Variants in LHFPL3 observed in about 807,000 individuals in gnomAD.
The protein encoded by LHFPL3 is LHFPL tetraspan subfamily member 3 protein.
A neutral mutation model predicts 19.3 loss-of-function variants in LHFPL3; 5 were observed. That is an observed-to-expected ratio of 0.26 (90% CI 0.14 to 0.54). The LOEUF (loss-of-function observed/expected upper bound fraction) is 0.54, where lower values mean the gene tolerates loss of function less well. Among genes scored for constraint, LHFPL3 ranks in the 20% least tolerant of loss-of-function variants. The probability of loss-of-function intolerance (pLI) is 0.94; values close to 1 mark genes in which losing one functional copy is unlikely to be tolerated. For missense variants in LHFPL3, 249 were observed against 307.4 expected, an observed-to-expected ratio of 0.81 and a Z score of 1.42; for synonymous variants, 133 against 126.2, an observed-to-expected ratio of 1.05 and a Z score of -0.36.
At chr7:104,769,845 T>C (rs889673115) in intron 2 of LHFPL3, among the ~76,000 whole-genome samples, 1 of 81,556 alleles carries the variant, frequency 1.2e-5, no homozygotes, top group Non-Finnish European at 2.4e-5. Context: ...TGGAATACTA[T>C]GCAGCCATAA....
chr7:104,523,179 T>A (rs7804269), intron 1 of LHFPL3, among the ~76,000 whole-genome samples: 83,736 of 151,768 alleles, frequency 0.55, 23,268 homozygotes, highest in Middle Eastern at 0.64. Flanking sequence ...GTTAATAGCA[T>A]CTTTCTGAGT....
intron 2 of LHFPL3, among the ~76,000 whole-genome samples, chr7:104,820,166 T>C (rs905142807): frequency 2.0e-5 from 3 of 151,914 alleles, no homozygotes; most frequent in African/African-American, 7.3e-5. Context: ...TCACAGACCA[T>C]GCAAAAAAAA....
At chr7:104,440,307 G>A (rs933695937) in intron 1 of LHFPL3, among the ~76,000 whole-genome samples, 3 of 151,554 alleles carry the variant, frequency 2.0e-5, no homozygotes, top group African/African-American at 2.4e-5. Context: ...GCAAACTATC[G>A]CCAAGAACAA....
chr7:104,729,937 T>G (rs576269731), intron 1 of LHFPL3, among the ~76,000 whole-genome samples: 18 of 146,824 alleles, frequency 1.2e-4, no homozygotes, highest in Admixed American at 9.5e-4. Context: ...GATGTTCCCC[T>G]TCCTGTGTCC....
At chr7:104,465,751 T>A (rs904552215) in intron 1 of LHFPL3, among the ~76,000 whole-genome samples, 1 of 152,154 alleles carries the variant, frequency 6.6e-6, no homozygotes, top group African/African-American at 2.4e-5. Context: ...CATGTGGGGA[T>A]TATAGGAACT....
intron 2 of LHFPL3, among the ~76,000 whole-genome samples, chr7:104,808,890 CTTTTTTTTTTTTT>C (rs151212974): frequency 1.3e-5 from 1 of 77,214 alleles, no homozygotes. Flanking sequence ...ATGATAGATC[CTTTTTTTTTTTTT>C]TTTTTTTTTT....
chr7:104,594,669 T>C (rs1790802956), intron 1 of LHFPL3, among the ~76,000 whole-genome samples: 1 of 152,234 alleles, frequency 6.6e-6, no homozygotes, highest in Non-Finnish European at 1.5e-5. Context: ...CACTTTCAGG[T>C]ACACCAATCG....
At chr7:104,550,556 G>T (rs1015799864) in intron 1 of LHFPL3, among the ~76,000 whole-genome samples, 9 of 152,090 alleles carry the variant, frequency 5.9e-5, no homozygotes, top group Admixed American at 5.9e-4. Flanking sequence ...GTAATAATCG[G>T]CCAGAAAATG....
At chr7:104,884,966 A>G (rs1201945177) in intron 2 of LHFPL3, among the ~76,000 whole-genome samples, 3 of 152,164 alleles carry the variant, frequency 2.0e-5, no homozygotes, top group Admixed American at 2.0e-4. Context: ...GGATAGAAGA[A>G]GGGAAGGTCA....
In LHFPL3 at chr7:104,595,706, G is replaced by T. The variant is rs192683720; in HGVS notation, c.446-140969G>T. On this transcript the variant is annotated intron_variant, in intron 1 of 2. Coordinates refer to ENST00000424859, the MANE Select transcript of LHFPL3 (RefSeq NM_199000.3). Reference sequence around the variant, plus strand: ...AGGCAGTAGGCCTTGTTGAGCTGTGGTGGGCTCCGCCCAGTTCGAGCTTCT... The same window carrying T: ...AGGCAGTAGGCCTTGTTGAGCTGTGTTGGGCTCCGCCCAGTTCGAGCTTCT... Among the ~76,000 whole-genome samples the T allele has an allele frequency of 4.9e-4, 74 of 152,392 alleles. 1 individual carries two copies. Among genetic ancestry groups the T allele is most frequent in the African/African-American group, 1.8e-3 (73 of 41,598 alleles).
At chr7:104,484,430 G>C (rs1793199775) in intron 1 of LHFPL3, among the ~76,000 whole-genome samples, 1 of 152,188 alleles carries the variant, frequency 6.6e-6, no homozygotes, top group South Asian at 2.1e-4. Context: ...GAGCATGTTA[G>C]TGAGGGGGCC....
intron 1 of LHFPL3, among the ~76,000 whole-genome samples, chr7:104,331,047 T>G (rs1801558103): frequency 6.6e-6 from 1 of 152,244 alleles, no homozygotes; most frequent in Non-Finnish European, 1.5e-5. Context: ...ATGTTTGATT[T>G]TTATGAGGTT....
intron 2 of LHFPL3, among the ~76,000 whole-genome samples, chr7:104,757,222 G>T (rs527428893): frequency 8.5e-5 from 13 of 152,274 alleles, no homozygotes; most frequent in Admixed American, 6.5e-4. Flanking sequence ...GTGGATTAAA[G>T]ATTTAATTGT....
chr7:104,666,530 T>C (rs1336359760), intron 1 of LHFPL3, among the ~76,000 whole-genome samples: 2 of 86,606 alleles, frequency 2.3e-5, no homozygotes, highest in African/African-American at 7.7e-5. Flanking sequence ...TTTTTTTTTT[T>C]TTTTTTTTTG....
chr7:104,880,293 T>C (rs939598813), intron 2 of LHFPL3, among the ~76,000 whole-genome samples: 1 of 152,140 alleles, frequency 6.6e-6, no homozygotes, highest in Non-Finnish European at 1.5e-5. Context: ...TCTCTCATCA[T>C]GTGATACATT....
intron 1 of LHFPL3, among the ~76,000 whole-genome samples, chr7:104,363,662 C>T (rs560850223): frequency 8.5e-5 from 13 of 152,164 alleles, no homozygotes; most frequent in Non-Finnish European, 1.3e-4. Flanking sequence ...TGGGAGTGAA[C>T]GCCTCCTTCA....
chr7:104,495,053 A>G (rs866482806), intron 1 of LHFPL3, among the ~76,000 whole-genome samples: 1 of 152,166 alleles, frequency 6.6e-6, no homozygotes, highest in African/African-American at 2.4e-5. Context: ...CCAAGATTAC[A>G]GTTGGTTTCC....
chr7:104,744,999 A>G (rs1794013283), intron 2 of LHFPL3, among the ~76,000 whole-genome samples: 1 of 152,162 alleles, frequency 6.6e-6, no homozygotes, highest in African/African-American at 2.4e-5. Context: ...CATCCCTTCA[A>G]TGAACTTTGG....
chr7:104,736,685 T>C lies in LHFPL3; in HGVS notation c.456T>C (p.Leu152=), dbSNP rs749786604. The C allele has an allele frequency of 6.2e-7, 1 of 1,611,804 alleles. No homozygotes were observed. ...AWMQLTSAAC[L]VLGCMIFPDG... is the part of the protein sequence containing the mutation. Reference sequence around the variant, plus strand: ...CTCTTTCTCTCCAAGCTGCCTGCCTTGTGCTTGGCTGTATGATTTTCCCTG... The same window carrying C: ...CTCTTTCTCTCCAAGCTGCCTGCCTCGTGCTTGGCTGTATGATTTTCCCTG... Residue 152 remains leucine (L), a synonymous_variant, in exon 2 of 3, where the codon CTT becomes CTC. Transcript: ENST00000424859.
Sources: allele counts gnomAD v4.1 joint callset (sites outside exome capture counted in the v4.1 genomes callset), GRCh38; gene constraint gnomAD v4.1.1; transcripts MANE v1.5; gene names NCBI Gene and HGNC (gene_info 2026-07-23, HGNC 2026-07-21).